The following PLSCR2 variants were observed in gnomAD, a reference collection of about 807,000 sequenced individuals.
PLSCR2 encodes phospholipid scramblase 2, also known as PL scramblase 2.
Under a neutral mutation model 25.3 loss-of-function variants are expected in PLSCR2, and 18 were observed. That is an observed-to-expected ratio of 0.71 (90% CI 0.49 to 1.06). The LOEUF is 1.06. Among genes scored for constraint, PLSCR2 ranks in the 50% least tolerant of loss-of-function variants. The pLI is 0.00. For synonymous variants in PLSCR2, 88 were observed against 87.3 expected (o/e 1.01, Z -0.04); for missense variants, 243 against 269.5 (o/e 0.90, Z 0.69).
chr3:146,407,683 G>C (rs1356320325), intron 2 of PLSCR2, among the ~76,000 whole-genome samples: 2 of 152,160 alleles, frequency 1.3e-5, no homozygotes, highest in Non-Finnish European at 2.9e-5. Flanking sequence ...GCCGTACCTG[G>C]TGTCAGTGTA....
chr3:146,417,533 G>A (rs553100302), intron 2 of PLSCR2, among the ~76,000 whole-genome samples: 1 of 152,274 alleles, frequency 6.6e-6, no homozygotes, highest in African/African-American at 2.4e-5. Context: ...CCTAGCAGAA[G>A]AGAGGATGAT....
chr3:146,445,190 G>A (rs1576642533), intron 6 of PLSCR2, among the ~76,000 whole-genome samples: 1 of 152,034 alleles, frequency 6.6e-6, no homozygotes, highest in Non-Finnish European at 1.5e-5. Context: ...CATATGAGTA[G>A]TTTGCACACT....
intron 2 of PLSCR2, among the ~76,000 whole-genome samples, chr3:146,411,887 T>C (rs573397225): frequency 6.6e-6 from 1 of 150,844 alleles, no homozygotes; most frequent in Admixed American, 6.6e-5. Context: ...GACTCAGGGC[T>C]TTGGGTGTTA....
chr3:146,419,514 T>TG (rs1262179841), intron 2 of PLSCR2, among the ~76,000 whole-genome samples: 6 of 152,134 alleles, frequency 3.9e-5, no homozygotes, highest in Non-Finnish European at 7.4e-5. Flanking sequence ...AATTTCCTGT[T>TG]GCTGCTATAA....
chr3:146,471,265 C>T (rs1468583464), intron 1 of PLSCR2, among the ~76,000 whole-genome samples: 2 of 152,018 alleles, frequency 1.3e-5, no homozygotes, highest in Non-Finnish European at 1.5e-5. Flanking sequence ...ACATTTTATT[C>T]TTTTACCAAT....
intron 1 of PLSCR2, among the ~76,000 whole-genome samples, 198 bp from the exon 1 acceptor site, chr3:146,469,759 G>A (rs1220666147): frequency 1.3e-5 from 2 of 149,130 alleles, no homozygotes; most frequent in African/African-American, 5.0e-5. Flanking sequence ...GCGCGGCCGA[G>A]CTGGGGGCGC....
chr3:146,410,287 G>A (rs151317570), intron 2 of PLSCR2, among the ~76,000 whole-genome samples: 27 of 152,230 alleles, frequency 1.8e-4, no homozygotes, highest in African/African-American at 6.3e-4. Context: ...AGCAGTATGG[G>A]TGTAAGTTTC....
At chr3:146,453,503 G>C (rs566272658) in intron 5 of PLSCR2, among the ~76,000 whole-genome samples, 1 of 151,982 alleles carries the variant, frequency 6.6e-6, no homozygotes, top group Non-Finnish European at 1.5e-5. Context: ...GGTTAAAGAA[G>C]AGACCACAGA....
intron 1 of PLSCR2, among the ~76,000 whole-genome samples, chr3:146,490,195 A>C (rs1341163390): frequency 6.6e-6 from 1 of 152,128 alleles, no homozygotes; most frequent in Non-Finnish European, 1.5e-5. Flanking sequence ...TACCTATTAT[A>C]GATGTTTGTA....
chr3:146,481,938 C>A (rs901415199), intron 1 of PLSCR2, among the ~76,000 whole-genome samples: 3 of 152,034 alleles, frequency 2.0e-5, no homozygotes, highest in Non-Finnish European at 4.4e-5. Flanking sequence ...CATCTACAAC[C>A]ATCTGATTGA....
intron 1 of PLSCR2, among the ~76,000 whole-genome samples, chr3:146,488,713 A>G (rs1459890211): frequency 6.6e-6 from 1 of 152,128 alleles, no homozygotes; most frequent in Non-Finnish European, 1.5e-5. Flanking sequence ...ATGCTTTTAC[A>G]CTGTCGGTGG....
downstream of PLSCR2, among the ~76,000 whole-genome samples, chr3:146,439,743 T>A (rs558423604): frequency 5.9e-5 from 9 of 152,302 alleles, no homozygotes; most frequent in Admixed American, 3.3e-4. Context: ...AGTTTGTTAT[T>A]ACCGATTATC....
upstream of PLSCR2, among the ~76,000 whole-genome samples, chr3:146,462,345 C>T (rs1421442865): frequency 6.6e-6 from 1 of 151,942 alleles, no homozygotes; most frequent in Non-Finnish European, 1.5e-5. Context: ...TCCTGTCTCG[C>T]CCTCCCAAAG....
intron 2 of PLSCR2, among the ~76,000 whole-genome samples, chr3:146,420,695 T>A (rs1255699091): frequency 6.6e-6 from 1 of 152,110 alleles, no homozygotes; most frequent in Non-Finnish European, 1.5e-5. Flanking sequence ...TGTCATGATA[T>A]AAATACTTTC....
At chr3:146,478,933 C>T (rs908243577) in intron 1 of PLSCR2, among the ~76,000 whole-genome samples, 12 of 152,220 alleles carry the variant, frequency 7.9e-5, no homozygotes, top group African/African-American at 2.2e-4. Flanking sequence ...GAGTGGGGGC[C>T]GATATTCAAC....
chr3:146,431,201 T>C (rs542156937), downstream of PLSCR2, among the ~76,000 whole-genome samples: 5 of 128,550 alleles, frequency 3.9e-5, no homozygotes, highest in East Asian at 1.0e-3. Flanking sequence ...GTAGAGACAA[T>C]ACTCTAAGCA....
At chr3:146,461,957 C>CT (rs2041601627), upstream of PLSCR2, 5 of 1,387,394 alleles carry the variant, frequency 3.6e-6, no homozygotes, top group Middle Eastern at 1.8e-4. Flanking sequence ...CTTTCATAAG[C>CT]TAAAAAAAAA....
In PLSCR2 at chr3:146,469,756, C is replaced by T. The variant is rs1008339789; in HGVS notation, c.-292-9472G>A. On this transcript the variant is annotated intron_variant, in intron 1 of 8. Transcript: ENST00000336685. ...TCCGGCTTTGCTGCTGGAGCGCGGC[C>T]GAGCTGGGGGCGCGACTGCACCCAC... Among the ~76,000 whole-genome samples the T allele has an allele frequency of 2.0e-5, 3 of 150,724 alleles. No homozygotes were observed. In the South Asian group the frequency reaches 6.4e-4, roughly 32 times the overall value.
At chr3:146,438,329 T>C (rs1184580867), downstream of PLSCR2, among the ~76,000 whole-genome samples, 1 of 152,192 alleles carries the variant, frequency 6.6e-6, no homozygotes, top group Admixed American at 6.5e-5. Context: ...TGGACATCTT[T>C]GTTAACTTTC....
Sources: allele counts gnomAD v4.1 joint callset (sites outside exome capture counted in the v4.1 genomes callset), GRCh38; gene constraint gnomAD v4.1.1; transcripts MANE v1.5; gene names NCBI Gene and HGNC (gene_info 2026-07-23, HGNC 2026-07-21).